KCNH1: variants seen among roughly 807,000 people sequenced by gnomAD.
The protein encoded by KCNH1 is potassium voltage-gated channel subfamily H member 1.
A neutral mutation model predicts 69.2 loss-of-function variants in KCNH1; 27 were observed. The ratio of observed to expected loss-of-function variants is 0.39; its 90% CI spans 0.29 to 0.54. The LOEUF (loss-of-function observed/expected upper bound fraction) is 0.54. Ranked by LOEUF, KCNH1 falls within the 20% of genes least tolerant of loss-of-function variation. The pLI, the probability that KCNH1 is intolerant of heterozygous loss-of-function variation, is 0.68. For missense variants in KCNH1, 798 were observed against 1,261.6 expected (o/e 0.63, Z 5.57); for synonymous variants, 456 against 487.7 (o/e 0.93, Z 0.86).
At chr1:210,804,482 G>C (rs1340126) in intron 7 of KCNH1, among the ~76,000 whole-genome samples, 3 of 152,164 alleles carry the variant, frequency 2.0e-5, no homozygotes, top group Non-Finnish European at 4.4e-5. Flanking sequence ...GCGGGGGCGG[G>C]GTAAGTTGTA....
chr1:210,709,259 G>C (rs998412004), intron 10 of KCNH1, among the ~76,000 whole-genome samples: 1 of 152,194 alleles, frequency 6.6e-6, no homozygotes, highest in Non-Finnish European at 1.5e-5. Context: ...AAAGGTGGGG[G>C]AGATTTTGAC....
rs1691905072 is a variant in KCNH1 at position 211,133,052 on chromosome 1, GT to G, written c.79+814del. The G allele has an allele frequency of 6.6e-6, 1 of 152,218 alleles. No homozygotes were observed. Among genetic ancestry groups the G allele is most frequent in the South Asian group, 2.1e-4 (1 of 4,822 alleles). The allele number at this position is 152,218 out of a possible 1,614,324, so 9.4% of individuals were successfully genotyped here. ...CTTAATGCCACAAGGAAACAGATGA[GT>G]GCTGATTGTCAGTTTATTGGGTAAT... On this transcript the variant is annotated intron_variant, in intron 1 of 10. Transcript: ENST00000271751. The surrounding 1 kb of genome is among the most constrained non-coding windows in gnomAD (Gnocchi z 5.4).
At chr1:211,127,638 C>G (rs1691805109) in intron 1 of KCNH1, among the ~76,000 whole-genome samples, 1 of 152,142 alleles carries the variant, frequency 6.6e-6, no homozygotes, top group South Asian at 2.1e-4. Flanking sequence ...TAACATAACT[C>G]TCAATGACCC....
At position 211,100,136 on chromosome 1, in the gene KCNH1, C is replaced by T. The variant is rs577426777; in HGVS notation, c.310+3360G>A. Among the ~76,000 whole-genome samples the T allele has an allele frequency of 2.2e-4, 34 of 152,282 alleles. 1 individual carries two copies. The highest frequency in any genetic ancestry group is 6.0e-4 in the African/African-American group (25 of 41,558). On this transcript the variant is annotated intron_variant, in intron 3 of 10. Transcript: ENST00000271751. ...CTCAGCCTCCAAGTAGCTGGGATTA[C>T]GGGCGTGAGCCACTACCTCTGGGCT...
intron 5 of KCNH1, among the ~76,000 whole-genome samples, chr1:211,025,091 C>T (rs1204317069): frequency 5.9e-5 from 9 of 152,172 alleles, no homozygotes; most frequent in African/African-American, 1.9e-4. Context: ...GAGAGAATCA[C>T]CAATGGGTTT....
intron 7 of KCNH1, among the ~76,000 whole-genome samples, chr1:210,888,988 G>A (rs183277263): frequency 4.6e-5 from 7 of 152,256 alleles, no homozygotes; most frequent in Admixed American, 6.5e-5. Context: ...AAGAGGAGCC[G>A]TTACCATTCC....
chr1:210,970,878 A>C (rs1688499923), intron 6 of KCNH1, among the ~76,000 whole-genome samples: 1 of 152,208 alleles, frequency 6.6e-6, no homozygotes. Flanking sequence ...AAATTTTTGC[A>C]ATCTATCCAT....
At chr1:210,981,862 A>G (rs1688716417) in intron 6 of KCNH1, among the ~76,000 whole-genome samples, 2 of 152,160 alleles carry the variant, frequency 1.3e-5, no homozygotes, top group African/African-American at 4.8e-5. Context: ...CAAGCTTTCA[A>G]GGCAGGGTAA....
intron 1 of KCNH1, among the ~76,000 whole-genome samples, chr1:211,127,211 T>A (rs145823333): frequency 6.6e-6 from 1 of 152,294 alleles, no homozygotes; most frequent in African/African-American, 2.4e-5. Context: ...TAAGCTAGCC[T>A]TTGCTTTTTG....
At chr1:211,071,662 AAT>A (rs1690645780) in intron 5 of KCNH1, among the ~76,000 whole-genome samples, 2 of 152,214 alleles carry the variant, frequency 1.3e-5, no homozygotes, top group South Asian at 4.1e-4. Context: ...ATAATAATAA[AAT>A]AGACTAGTGT....
intron 6 of KCNH1, among the ~76,000 whole-genome samples, chr1:210,952,725 T>C (rs1688087220): frequency 6.6e-6 from 1 of 152,200 alleles, no homozygotes; most frequent in Non-Finnish European, 1.5e-5. Context: ...CAAGTGTTCT[T>C]ACTGCAAATT....
chr1:211,001,264 T>A (rs905319468), intron 6 of KCNH1, among the ~76,000 whole-genome samples: 2 of 152,182 alleles, frequency 1.3e-5, no homozygotes, highest in African/African-American at 4.8e-5. Context: ...AATCTACTCA[T>A]CTGACAAAGG....
intron 6 of KCNH1, among the ~76,000 whole-genome samples, chr1:210,925,101 G>C (rs193011462): frequency 7.3e-4 from 111 of 152,264 alleles, no homozygotes; most frequent in African/African-American, 2.5e-3. Context: ...ACATGAAAAA[G>C]CAAGAATGCA....
At chr1:210,744,427 C>T (rs1574228197) in intron 10 of KCNH1, among the ~76,000 whole-genome samples, 2 of 152,226 alleles carry the variant, frequency 1.3e-5, no homozygotes, top group East Asian at 1.9e-4. Flanking sequence ...AGGCGGATCA[C>T]GAGGTCAGGA....
chr1:210,966,626 C>T (rs1255382734), intron 6 of KCNH1, among the ~76,000 whole-genome samples: 2 of 152,186 alleles, frequency 1.3e-5, no homozygotes, highest in Non-Finnish European at 2.9e-5. Context: ...AAATGCTCAT[C>T]ATCACTGGTC....
chr1:210,695,656 A>ACTAT (rs757464420), intron 10 of KCNH1, among the ~76,000 whole-genome samples: 2 of 152,218 alleles, frequency 1.3e-5, no homozygotes, highest in Non-Finnish European at 2.9e-5. Flanking sequence ...ACATTCAGTG[A>ACTAT]CTATCTGGGG....
In KCNH1 at chr1:210,903,864, A is replaced by C. The variant is rs555459919; in HGVS notation, c.1462+15776T>G. ...GTAAAACAGAGGCATAGAAAAGCAAAATTGCTCCTTGGGGACACAAACAGA... is the reference window on the plus strand; with the variant it reads ...GTAAAACAGAGGCATAGAAAAGCAACATTGCTCCTTGGGGACACAAACAGA... On this transcript the variant is annotated intron_variant, in intron 7 of 10. Coordinates refer to ENST00000271751, the MANE Select transcript of KCNH1 (RefSeq NM_172362.3). Among the ~76,000 whole-genome samples the C allele has an allele frequency of 1.3e-3, 197 of 152,272 alleles. 1 individual carries two copies. Among genetic ancestry groups the C allele is most frequent in the Non-Finnish European group, 1.7e-3 (114 of 68,020 alleles).
At position 210,686,384 on chromosome 1, in the gene KCNH1, A is replaced by G. The variant is rs542611219; in HGVS notation, c.2113-2246T>C. ...TTCCAGAAAGTCTTCCCTGATTCCA[A>G]TGTGCTCTAAGTTATCCTCCTACCT... On this transcript the variant is annotated intron_variant, in intron 10 of 10. Coordinates refer to ENST00000271751, the MANE Select transcript of KCNH1 (RefSeq NM_172362.3). Among the ~76,000 whole-genome samples, 49 of 152,166 alleles carry G rather than the reference A, an allele frequency of 3.2e-4. No homozygotes were observed. The South Asian group carries it at 9.6e-3, about 30-fold the overall frequency.
intron 5 of KCNH1, among the ~76,000 whole-genome samples, chr1:211,043,876 G>A (rs957209525): frequency 2.6e-5 from 4 of 152,162 alleles, no homozygotes; most frequent in Admixed American, 1.3e-4. Flanking sequence ...AAAAGCATTC[G>A]ACAAAATCCA....
Sources: allele counts gnomAD v4.1 joint callset (sites outside exome capture counted in the v4.1 genomes callset), GRCh38; gene constraint gnomAD v4.1.1; non-coding constraint Gnocchi (gnomAD v3.1); transcripts MANE v1.5; gene names NCBI Gene and HGNC (gene_info 2026-07-23, HGNC 2026-07-21).